NCAPG2: variants seen among roughly 807,000 people sequenced by gnomAD.
NCAPG2 encodes the protein condensin-2 complex subunit G2.
In NCAPG2, 53 loss-of-function variants were observed where a neutral mutation model predicts 141.1. The observed-to-expected ratio is 0.38, with a 90% CI of 0.30 to 0.47. The LOEUF is 0.47. NCAPG2 is among the 20% of genes least tolerant of loss of function. NCAPG2 has a pLI of 0.99. For missense variants in NCAPG2, 1,087 were observed against 1,389.0 expected (o/e 0.78, Z 3.46); for synonymous variants, 499 against 490.7 (o/e 1.02, Z -0.22).
chr7:158,704,771 G>T lies in NCAPG2; in HGVS notation c.-87C>A, dbSNP rs1233152216. The T allele has an allele frequency of 6.6e-6, 1 of 152,226 alleles. No individual in the cohort carries two copies. The highest frequency in any genetic ancestry group is 1.9e-4 in the East Asian group (1 of 5,168). The allele number at this position is 152,226 out of a possible 1,614,324, so 9.4% of individuals were successfully genotyped here. On this transcript the variant is annotated 5_prime_UTR_variant, in exon 1 of 28. Coordinates refer to ENST00000356309, the MANE Select transcript of NCAPG2 (RefSeq NM_017760.7). Reference sequence around the variant, plus strand: ...TCCCGCGCTCGGACCAGATTCAAACGCACCCGCCGGCGCCCCAGACGGGCC... The same window carrying T: ...TCCCGCGCTCGGACCAGATTCAAACTCACCCGCCGGCGCCCCAGACGGGCC...
chr7:158,667,779 CTCCCTTACCCACTACT>C (rs1833246735), intron 13 of NCAPG2, among the ~76,000 whole-genome samples: 2 of 55,604 alleles, frequency 3.6e-5, no homozygotes, highest in Non-Finnish European at 7.0e-5. Context: ...TCCCTCCGCC[CTCCCTTACCCACTACT>C]GGGTCCCTCC....
At position 158,662,243 on chromosome 7, in the gene NCAPG2, G is replaced by A. The variant is rs760277966; in HGVS notation, c.1940C>T (p.Thr647Met). ...MENNKEAKLY[T>M]INKFASVLPE... ...AAGCACAGAGGCAAACTTGTTAATC[G>A]TGTAAAGTTTGGCCTCTTTATTATT... The change falls in exon 16 of 28, where the codon ACG (threonine) becomes ATG (methionine). Residue 647 changes from threonine to methionine, a missense_variant. Physicochemically the swap from Thr to Met is moderately conservative, Grantham distance 81. Coordinates refer to ENST00000356309, the MANE Select transcript of NCAPG2 (RefSeq NM_017760.7). 1.2e-5 allele frequency: 19 copies of A among 1,609,222 alleles called. No individual in the cohort carries two copies. Among genetic ancestry groups the A allele is most frequent in the African/African-American group, 4.0e-5 (3 of 74,758 alleles).
At chr7:158,639,834 C>T in intron 27 of NCAPG2, 2 of 976,262 alleles carry the variant, frequency 2.0e-6, no homozygotes, top group Non-Finnish European at 2.4e-6. Context: ...TATTTCAAAC[C>T]TAATGCAAAC....
At position 158,693,293 on chromosome 7, in the gene NCAPG2, G is replaced by C; in HGVS notation, c.267+16C>G. ...AAAGAGAAAAACGTTTCTTATTTTT[G>C]AAAAACAAATACTACCATTTTTGAG... is the stretch of plus-strand genomic sequence containing the variant. On this transcript the variant is annotated intron_variant, in intron 3 of 27. Coordinates refer to ENST00000356309, the MANE Select transcript of NCAPG2 (RefSeq NM_017760.7). 1 of 1,584,990 alleles carries C rather than the reference G, an allele frequency of 6.3e-7. No individual in the cohort carries two copies. The highest frequency in any genetic ancestry group is 8.5e-7 in the Non-Finnish European group (1 of 1,172,408).
chr7:158,647,177 A>G (rs1831085888), intron 24 of NCAPG2, among the ~76,000 whole-genome samples: 1 of 152,234 alleles, frequency 6.6e-6, no homozygotes, highest in Non-Finnish European at 1.5e-5. Context: ...TGCTAAATAA[A>G]TTTAACATTG....
At chr7:158,671,272 T>C (rs1415987614) in intron 13 of NCAPG2, among the ~76,000 whole-genome samples, 2 of 152,192 alleles carry the variant, frequency 1.3e-5, no homozygotes, top group African/African-American at 4.8e-5. Context: ...AAAACCTTCA[T>C]ACATGACGAA....
At chr7:158,654,535 A>G in intron 22 of NCAPG2, 60 bp downstream of exon 22, 1 of 1,481,764 alleles carries the variant, frequency 6.7e-7, no homozygotes, top group Non-Finnish European at 9.3e-7. Flanking sequence ...ACAGTAAAGG[A>G]GGGAGGGAGG....
At chr7:158,644,440 G>C (rs1477325198) in intron 26 of NCAPG2, 52 bp from the exon 27 acceptor site, 2 of 1,453,252 alleles carry the variant, frequency 1.4e-6, no homozygotes, top group Admixed American at 1.7e-5. Flanking sequence ...ACTACACAAA[G>C]ACAAACACTC....
At chr7:158,667,431 G>T (rs1330750875) in intron 13 of NCAPG2, among the ~76,000 whole-genome samples, 33 of 57,930 alleles carry the variant, frequency 5.7e-4, no homozygotes, top group Middle Eastern at 0.012. Flanking sequence ...GGGTCCCTCC[G>T]CCCTCCTTAC....
intron 13 of NCAPG2, chr7:158,667,097 A>C: frequency 1.0e-5 from 10 of 975,850 alleles, no homozygotes; most frequent in Non-Finnish European, 1.2e-5. Context: ...CTGTAACCTT[A>C]ACTTTCAAGG....
rs113254887 is a variant in NCAPG2, at chr7:158,668,100, TC to T, written c.1480-3351del. On this transcript the variant is annotated intron_variant, in intron 13 of 27. Coordinates refer to ENST00000356309, the MANE Select transcript of NCAPG2 (RefSeq NM_017760.7). The stretch of plus-strand genomic sequence containing the variant: ...TACCCACTACTGGGTCCCTCCGCCC[TC>T]CTTACCCACTACTGGGTCCCTCCGC... The T allele has an allele frequency of 9.3e-5, 3 of 32,232 alleles. 1 individual carries two copies. The African/African-American group carries it at 6.4e-3, about 69-fold the overall frequency. The allele number at this position is 32,232 out of a possible 1,614,324, so 2.0% of individuals were successfully genotyped here. A position where few individuals can be genotyped will look rare whatever the true frequency, so the allele number is the denominator to read the frequency against.
intron 12 of NCAPG2, among the ~76,000 whole-genome samples, chr7:158,675,235 T>C (rs1334762495): frequency 2.0e-5 from 3 of 152,192 alleles, no homozygotes; most frequent in African/African-American, 7.2e-5. Flanking sequence ...AGAGAATAAA[T>C]TCAACAGTAC....
chr7:158,646,314 A>T (rs887625357), intron 25 of NCAPG2, 146 bp downstream of exon 25: 3 of 579,054 alleles, frequency 5.2e-6, no homozygotes, highest in Non-Finnish European at 8.7e-6. Flanking sequence ...ATTACTGATA[A>T]AATGGAGAAA....
chr7:158,683,735 CAT>C (rs1240854166), intron 8 of NCAPG2, among the ~76,000 whole-genome samples: 1 of 152,212 alleles, frequency 6.6e-6, no homozygotes, highest in Non-Finnish European at 1.5e-5. Context: ...TCTTCTGACT[CAT>C]CACTGACCTG....
chr7:158,658,324 A>C lies in NCAPG2; in HGVS notation c.2060+14T>G. ...TTCCTACTTTTCTACCGTACCAAAAAACAGAGCAAATACCTGAATGGGGGG... is the reference window on the plus strand; with the variant it reads ...TTCCTACTTTTCTACCGTACCAAAACACAGAGCAAATACCTGAATGGGGGG... On this transcript the variant is annotated intron_variant, in intron 17 of 27. Transcript: ENST00000356309. The C allele has an allele frequency of 1.2e-6, 2 of 1,600,988 alleles. No individual in the cohort carries two copies. Among genetic ancestry groups the C allele is most frequent in the Non-Finnish European group, 1.7e-6 (2 of 1,173,766 alleles).
intron 6 of NCAPG2, 96 bp from the exon 7 acceptor site, chr7:158,687,538 C>T: frequency 1.1e-6 from 1 of 873,564 alleles, no homozygotes; most frequent in African/African-American, 1.7e-5. Context: ...CTAAACATTG[C>T]TATTGCTAAA....
At chr7:158,657,802 G>A (rs1314284695) in intron 17 of NCAPG2, among the ~76,000 whole-genome samples, 1 of 152,110 alleles carries the variant, frequency 6.6e-6, no homozygotes, top group Non-Finnish European at 1.5e-5. Flanking sequence ...ATTTTGTCCT[G>A]TACTAAGAAA....
rs143669424 is a variant in NCAPG2, at chr7:158,653,100, G to T, written c.2747-620C>A. On this transcript the variant is annotated intron_variant, in intron 22 of 27. Transcript: ENST00000356309. ...AAGAATTAAACAGGCTGGGTATGGT[G>T]GCTCACGCCTGTAATCCCAGCACCT... is the stretch of plus-strand genomic sequence containing the variant. 1.4e-4 allele frequency among the ~76,000 whole-genome samples: 21 copies of T among 152,230 alleles called. 1 individual carries two copies. Among genetic ancestry groups the T allele is most frequent in the African/African-American group, 4.6e-4 (19 of 41,538 alleles).
chr7:158,636,971 G>A (rs1481744137), intron 27 of NCAPG2, among the ~76,000 whole-genome samples: 4 of 150,848 alleles, frequency 2.7e-5, no homozygotes, highest in Non-Finnish European at 4.4e-5. Flanking sequence ...TTTTTGAGAC[G>A]GAGCCCTGCT....
Sources: gnomAD v4.1 joint callset for allele counts (sites outside exome capture counted in the v4.1 genomes callset) on GRCh38, gnomAD v4.1.1 for gene constraint, MANE v1.5 for transcripts, NCBI Gene and HGNC (gene_info 2026-07-23, HGNC 2026-07-21) for gene names.